The following ERC1 variants were observed in gnomAD, a reference collection of about 807,000 sequenced individuals.
ERC1 encodes the protein ELKS/RAB6-interacting/CAST family member 1, also known as RAB6 interacting protein 2.
A neutral mutation model predicts 132.0 loss-of-function variants in ERC1; 56 were observed. That is an observed-to-expected ratio of 0.42 (90% confidence interval 0.34 to 0.53). The LOEUF is 0.53. Among genes scored for constraint, ERC1 ranks in the 20% least tolerant of loss-of-function variants. The pLI is 0.03. For synonymous variants in ERC1, 478 were observed against 476.1 expected (o/e 1.00, Z -0.05); for missense variants, 1,202 against 1,349.9 (o/e 0.89, Z 1.72).
At chr12:1,004,102 T>C (rs779819477) in intron 1 of ERC1, among the ~76,000 whole-genome samples, 10 of 152,174 alleles carry the variant, frequency 6.6e-5, no homozygotes, top group Non-Finnish European at 1.0e-4. Flanking sequence ...TCTCCTGTTA[T>C]GGGAGGATCA....
In ERC1 at chr12:1,115,981, TGAA is replaced by T. The variant is rs765405069; in HGVS notation, c.1519_1521del (p.Lys507del). 6.2e-7 allele frequency: 1 copy of T among 1,614,120 alleles called. No individual in the cohort carries two copies. Among genetic ancestry groups the T allele is most frequent in the Non-Finnish European group, 8.5e-7 (1 of 1,179,984 alleles). On this transcript the variant is annotated inframe_deletion, in exon 7 of 19. Transcript: ENST00000360905. ...GATAGTAAACAGCACATTGAAGTGTTGAAGGAGTCCTTGACTGCTAAGGAGCAG... is the reference window on the plus strand; with the variant it reads ...GATAGTAAACAGCACATTGAAGTGTTGGAGTCCTTGACTGCTAAGGAGCAG...
chr12:1,014,199 AG>A (rs1485887768), intron 1 of ERC1, among the ~76,000 whole-genome samples: 1 of 151,952 alleles, frequency 6.6e-6, no homozygotes, highest in Non-Finnish European at 1.5e-5. Context: ...TTTTTGAGAC[AG>A]GGTTTCACTC....
chr12:1,380,815 C>T lies in ERC1; in HGVS notation c.2925+8838C>T, dbSNP rs546229739. The T allele has an allele frequency of 8.5e-4, 129 of 152,350 alleles. 2 individuals carry two copies. The highest frequency in any genetic ancestry group is 3.4e-3 in the Middle Eastern group (1 of 298). The allele number at this position is 152,350 out of a possible 1,614,324, so 9.4% of individuals were successfully genotyped here. A position where few individuals can be genotyped will look rare whatever the true frequency, so the allele number is the denominator to read the frequency against. On this transcript the variant is annotated intron_variant, in intron 16 of 18. Coordinates refer to ENST00000360905, the MANE Select transcript of ERC1 (RefSeq NM_178040.4). ...TCATCATACTATTAAAACTGTTTTACATTCTAAAAGAAGATAACAATGGTA... is the reference window on the plus strand; with the variant it reads ...TCATCATACTATTAAAACTGTTTTATATTCTAAAAGAAGATAACAATGGTA...
chr12:1,093,658 T>G (rs1309634658), intron 3 of ERC1, among the ~76,000 whole-genome samples: 2 of 152,042 alleles, frequency 1.3e-5, no homozygotes, highest in Non-Finnish European at 2.9e-5. Context: ...GTTTTTTGTC[T>G]GTATTTTAAT....
At position 1,492,708 on chromosome 12, in the gene ERC1, G is replaced by A. The variant is rs901012110; in HGVS notation, c.*2478G>A. 6.9e-5 allele frequency: 16 copies of A among 232,670 alleles called. No homozygotes were observed. Among genetic ancestry groups the A allele is most frequent in the Admixed American group, 1.1e-4 (2 of 17,774 alleles). The allele number at this position is 232,670 out of a possible 1,614,324, so 14.4% of individuals were successfully genotyped here. On this transcript the variant is annotated 3_prime_UTR_variant, in exon 19 of 19. Coordinates refer to ENST00000360905, the MANE Select transcript of ERC1 (RefSeq NM_178040.4). ...TGAACAGCAAGGAATCTTCTTGACC[G>A]TTCTTGGGCACTGGAGGCTGGCTAG...
chr12:1,092,588 T>C (rs1478614491), intron 3 of ERC1, among the ~76,000 whole-genome samples: 2 of 152,230 alleles, frequency 1.3e-5, no homozygotes, highest in Admixed American at 1.3e-4. Context: ...GAGAAAGTTA[T>C]GAAAACAGTT....
At chr12:1,134,506 T>A (rs1176529562) in intron 7 of ERC1, among the ~76,000 whole-genome samples, 2 of 151,622 alleles carry the variant, frequency 1.3e-5, no homozygotes, top group Non-Finnish European at 2.9e-5. Context: ...GCCACCACAC[T>A]TGGCTAATTA....
chr12:1,036,547 T>C (rs995866152), intron 2 of ERC1, among the ~76,000 whole-genome samples: 1 of 152,078 alleles, frequency 6.6e-6, no homozygotes, highest in Non-Finnish European at 1.5e-5. Flanking sequence ...GCTAATTTTT[T>C]GTATTTTTAG....
At chr12:1,062,248 C>T in intron 2 of ERC1, among the ~76,000 whole-genome samples, 1 of 152,074 alleles carries the variant, frequency 6.6e-6, no homozygotes, top group Non-Finnish European at 1.5e-5. Flanking sequence ...CCCCGAAGTG[C>T]TGGGATTACA....
intron 8 of ERC1, among the ~76,000 whole-genome samples, chr12:1,159,369 C>T (rs1342257725): frequency 1.3e-5 from 2 of 152,160 alleles, no homozygotes; most frequent in Non-Finnish European, 2.9e-5. Context: ...GATTCACGCT[C>T]TTGTGAGAAT....
At chr12:1,349,125 G>C (rs956649093) in intron 15 of ERC1, among the ~76,000 whole-genome samples, 1 of 152,154 alleles carries the variant, frequency 6.6e-6, no homozygotes, top group Non-Finnish European at 1.5e-5. Flanking sequence ...ACAAGTAGAC[G>C]TCTATTGAAA....
At chr12:1,390,108 A>G (rs1041606693) in intron 16 of ERC1, among the ~76,000 whole-genome samples, 3 of 152,214 alleles carry the variant, frequency 2.0e-5, no homozygotes, top group Admixed American at 6.5e-5. Flanking sequence ...ATACTTCAAA[A>G]TACCAGTAGA....
chr12:1,436,192 G>A (rs994018930), intron 17 of ERC1, among the ~76,000 whole-genome samples: 6 of 151,432 alleles, frequency 4.0e-5, no homozygotes, highest in African/African-American at 1.2e-4. Context: ...GTGCACGCAC[G>A]CCCTCTTATC....
intron 14 of ERC1, among the ~76,000 whole-genome samples, chr12:1,285,382 A>G (rs1390769969): frequency 6.6e-6 from 1 of 152,216 alleles, no homozygotes; most frequent in Non-Finnish European, 1.5e-5. Flanking sequence ...CAAATCCACA[A>G]AGCCCAAAAT....
chr12:1,449,982 T>G (rs2093388790), intron 18 of ERC1, among the ~76,000 whole-genome samples: 2 of 152,154 alleles, frequency 1.3e-5, no homozygotes, highest in Admixed American at 1.3e-4. Flanking sequence ...CATAGTCAAA[T>G]TTTGAAAATA....
chr12:1,052,657 A>G (rs945865777), intron 2 of ERC1, among the ~76,000 whole-genome samples: 1 of 152,176 alleles, frequency 6.6e-6, no homozygotes, highest in Non-Finnish European at 1.5e-5. Context: ...AAAACATTAA[A>G]AAGTATTACG....
intron 13 of ERC1, among the ~76,000 whole-genome samples, chr12:1,258,517 A>G (rs533630584): frequency 2.0e-5 from 3 of 152,286 alleles, no homozygotes; most frequent in African/African-American, 7.2e-5. Flanking sequence ...GAAGTATGTG[A>G]AGTCTGTTGC....
chr12:1,032,740 A>G (rs61918696), intron 2 of ERC1, among the ~76,000 whole-genome samples: 23,099 of 152,262 alleles, frequency 0.15, 2,061 homozygotes, highest in Non-Finnish European at 0.2. Context: ...TTGAGTTGTC[A>G]GTACAATACT....
Position 1,236,841 on chromosome 12 carries a change from A to G in ERC1, c.2424A>G (p.Ala808=). ...HKEQVEKKKS[A]QMLEEARRRE... ...AACAGGTGGAAAAAAAGAAGAGTGC[A>G]CAAATGTTAGAGGAGGCGCGACGAC... The change falls in exon 13 of 19, where the codon GCA becomes GCG. Residue 808 remains alanine (A), a synonymous_variant. Coordinates refer to ENST00000360905, the MANE Select transcript of ERC1 (RefSeq NM_178040.4). 6.2e-7 allele frequency: 1 copy of G among 1,614,164 alleles called. No homozygotes were observed. The highest frequency in any genetic ancestry group is 8.5e-7 in the Non-Finnish European group (1 of 1,180,024).
Sources: gnomAD v4.1 joint callset for allele counts (sites outside exome capture counted in the v4.1 genomes callset) on GRCh38, gnomAD v4.1.1 for gene constraint, MANE v1.5 for transcripts, NCBI Gene and HGNC (gene_info 2026-07-23, HGNC 2026-07-21) for gene names.